The following DNAH3 variants were observed in gnomAD, a reference collection of about 807,000 sequenced individuals.
DNAH3 encodes the protein dynein axonemal heavy chain 3, also known as axonemal beta dynein heavy chain 3.
Under a neutral mutation model 432.5 loss-of-function variants are expected in DNAH3, and 332 were observed. That is an observed-to-expected ratio of 0.77 (90% CI 0.70 to 0.84). The LOEUF (loss-of-function observed/expected upper bound fraction) is 0.84. Among genes scored for constraint, DNAH3 ranks in the 40% least tolerant of loss-of-function variants. The pLI is 0.00. For missense variants in DNAH3, 4,861 were observed against 5,114.0 expected (o/e 0.95, Z 1.51); for synonymous variants, 1,956 against 1,900.2 (o/e 1.03, Z -0.76).
chr16:20,997,311 G>C, exon 44 of DNAH3: 1 of 1,614,094 alleles, frequency 6.2e-7, no homozygotes, highest in Non-Finnish European at 8.5e-7. Context: ...CTCCCCCGGG[G>C]GGCCCCATGG....
chr16:21,092,338 G>C (rs536677384), intron 18 of DNAH3, among the ~76,000 whole-genome samples: 75 of 152,122 alleles, frequency 4.9e-4, no homozygotes, highest in African/African-American at 1.7e-3. Context: ...ACTGGTCTTT[G>C]ATAAAAGAGC....
intron 44 of DNAH3, among the ~76,000 whole-genome samples, chr16:20,989,353 AC>A (rs2086416672): frequency 6.6e-6 from 1 of 151,764 alleles, no homozygotes; most frequent in African/African-American, 2.4e-5. Context: ...TGGTGCACTC[AC>A]AAACCTTGAG....
At chr16:20,967,941 T>A (rs2085138034) in intron 52 of DNAH3, among the ~76,000 whole-genome samples, 1 of 152,226 alleles carries the variant, frequency 6.6e-6, no homozygotes, top group Admixed American at 6.5e-5. Context: ...TCTTGTAACA[T>A]CTGCTCTTTG....
At chr16:20,941,039 G>A (rs955009929) in intron 59 of DNAH3, among the ~76,000 whole-genome samples, 3 of 152,184 alleles carry the variant, frequency 2.0e-5, no homozygotes, top group African/African-American at 7.2e-5. Context: ...GTTCGAGGCT[G>A]CAATGAGTCA....
At chr16:21,106,366 T>G (rs2091946607) in intron 15 of DNAH3, 124 bp downstream of exon 15, 2 of 830,864 alleles carry the variant, frequency 2.4e-6, no homozygotes, top group African/African-American at 1.7e-5. Context: ...ATAACTATCC[T>G]TTTGCTCAAC....
intron 33 of DNAH3, among the ~76,000 whole-genome samples, chr16:21,038,441 C>T (rs1390898084): frequency 6.6e-6 from 1 of 152,086 alleles, no homozygotes; most frequent in Non-Finnish European, 1.5e-5. Context: ...GCTCTTGAGC[C>T]CAGGAGTTCA....
intron 35 of DNAH3, among the ~76,000 whole-genome samples, chr16:21,036,037 G>A (rs2089149577): frequency 6.6e-6 from 1 of 152,180 alleles, no homozygotes; most frequent in Non-Finnish European, 1.5e-5. Flanking sequence ...GATAAAAGAG[G>A]TGAACTAATT....
At chr16:21,032,669 C>T (rs775879840) in intron 36 of DNAH3, among the ~76,000 whole-genome samples, 2 of 151,884 alleles carry the variant, frequency 1.3e-5, no homozygotes, top group Admixed American at 6.6e-5. Context: ...AAAAATTAGG[C>T]GGGCATGGTG....
At chr16:21,004,234 T>C (rs1406972809) in intron 41 of DNAH3, among the ~76,000 whole-genome samples, 1 of 152,218 alleles carries the variant, frequency 6.6e-6, no homozygotes, top group Non-Finnish European at 1.5e-5. Flanking sequence ...GTAAGGAGAA[T>C]AGTATAATAA....
At chr16:20,955,335 T>G (rs1307788673) in intron 54 of DNAH3, among the ~76,000 whole-genome samples, 3 of 152,156 alleles carry the variant, frequency 2.0e-5, no homozygotes, top group Non-Finnish European at 4.4e-5. Context: ...GAGGAGGGAC[T>G]TACTACCTCT....
intron 3 of DNAH3, among the ~76,000 whole-genome samples, chr16:21,142,975 AT>A (rs2092739807): frequency 6.6e-6 from 1 of 152,172 alleles, no homozygotes; most frequent in South Asian, 2.1e-4. Context: ...TCCAAAATAA[AT>A]TTTTAAGATC....
chr16:21,101,437 A>C (rs968386881), intron 16 of DNAH3, among the ~76,000 whole-genome samples: 5 of 152,238 alleles, frequency 3.3e-5, no homozygotes, highest in African/African-American at 1.2e-4. Context: ...AATATATTAT[A>C]TTCCATAGAA....
At chr16:21,072,840 T>C (rs62034931) in intron 21 of DNAH3, among the ~76,000 whole-genome samples, 5 of 134,534 alleles carry the variant, frequency 3.7e-5, no homozygotes, top group East Asian at 2.3e-4. Flanking sequence ...ATTATTATTA[T>C]TACTATTATT....
In DNAH3 at chr16:21,000,501, G is replaced by A. The variant is rs144486513; in HGVS notation, c.6144C>T (p.Ile2048=). Residue 2048 remains isoleucine, a synonymous_variant, in exon 43 of 62, where the codon ATC becomes ATT. Coordinates refer to ENST00000261383, the Ensembl canonical transcript of DNAH3. ...ACTGCCGGGCTGTCTCCATTGTGGG[G>A]ATGATGAGTTCTGAGACCTGTACCA... The A allele has an allele frequency of 2.9e-4, 467 of 1,608,208 alleles. 4 individuals are homozygous for A. The African/African-American group carries it at 5.1e-3, about 18-fold the overall frequency.
At chr16:20,938,912 T>C (rs2083698755) in intron 59 of DNAH3, among the ~76,000 whole-genome samples, 1 of 151,972 alleles carries the variant, frequency 6.6e-6, no homozygotes, top group South Asian at 2.1e-4. Context: ...GAGTAGCTGG[T>C]TCTACAATGC....
At chr16:21,025,283 A>G (rs1267371146) in intron 38 of DNAH3, among the ~76,000 whole-genome samples, 1 of 151,150 alleles carries the variant, frequency 6.6e-6, no homozygotes, top group Non-Finnish European at 1.5e-5. Flanking sequence ...GTTTTTAACA[A>G]TTAAAAAGGG....
chr16:21,094,990 G>A (rs1280779031), intron 18 of DNAH3, among the ~76,000 whole-genome samples: 2 of 152,058 alleles, frequency 1.3e-5, no homozygotes, highest in Non-Finnish European at 2.9e-5. Flanking sequence ...GTGGAACTGT[G>A]AGTTCATTAA....
intron 1 of DNAH3, among the ~76,000 whole-genome samples, chr16:21,154,141 T>G (rs1416703044): frequency 6.6e-6 from 1 of 152,212 alleles, no homozygotes; most frequent in Admixed American, 6.5e-5. Flanking sequence ...CGGTGGCCCA[T>G]GCCTATAATC....
intron 29 of DNAH3, among the ~76,000 whole-genome samples, chr16:21,051,220 G>T (rs551065744): frequency 1.5e-4 from 23 of 152,272 alleles, no homozygotes; most frequent in African/African-American, 5.3e-4. Context: ...CGATCTCAAA[G>T]GCTGAGTTCC....
Sources: gnomAD v4.1 joint callset for allele counts (sites outside exome capture counted in the v4.1 genomes callset) on GRCh38, gnomAD v4.1.1 for gene constraint, MANE v1.5 for transcripts, NCBI Gene and HGNC (gene_info 2026-07-23, HGNC 2026-07-21) for gene names.